Variants in CLN6 observed in about 807,000 individuals in gnomAD.
CLN6 encodes the protein CLN6 transmembrane ER protein.
Under a neutral mutation model 33.3 loss-of-function variants are expected in CLN6, and 22 were observed. The ratio of observed to expected loss-of-function variants is 0.66; its 90% CI spans 0.47 to 0.94. The LOEUF (loss-of-function observed/expected upper bound fraction) is 0.94. Among genes scored for constraint, CLN6 ranks in the 40% least tolerant of loss-of-function variants. The pLI, the probability that CLN6 is intolerant of heterozygous loss-of-function variation, is 0.00. For synonymous variants in CLN6, 201 were observed against 174.6 expected (o/e 1.15, Z -1.19); for missense variants, 387 against 417.1 (o/e 0.93, Z 0.63).
chr15:68,220,148 T>C lies in CLN6; in HGVS notation c.84-1498A>G, dbSNP rs369714787. Reference sequence around the variant, plus strand: ...AGCTCTTGGGAGAAATCTCATTTTCTAGTGGCAGGCAAGACAGGTTGGGTA... The same window carrying C: ...AGCTCTTGGGAGAAATCTCATTTTCCAGTGGCAGGCAAGACAGGTTGGGTA... On this transcript the variant is annotated intron_variant, in intron 1 of 6. Transcript: ENST00000249806. The surrounding 1 kb of genome is among the most constrained non-coding windows in gnomAD (Gnocchi z 4.2). Among the ~76,000 whole-genome samples, 33 of 152,342 alleles carry C rather than the reference T, an allele frequency of 2.2e-4. No homozygotes were observed. Among genetic ancestry groups the C allele is most frequent in the African/African-American group, 7.9e-4 (33 of 41,594 alleles).
intron 1 of CLN6, among the ~76,000 whole-genome samples, chr15:68,221,341 C>T (rs946094486): frequency 1.3e-5 from 2 of 151,866 alleles, no homozygotes; most frequent in African/African-American, 4.8e-5. Context: ...CCGTGATTCT[C>T]CTGCCTCGGC....
chr15:68,240,874 C>T (rs537178872), intron 1 of CLN6, among the ~76,000 whole-genome samples: 19 of 151,298 alleles, frequency 1.3e-4, no homozygotes, highest in African/African-American at 4.6e-4. Context: ...ATCCCAGCTA[C>T]TCAGGAGGCT....
At chr15:68,255,450 C>G (rs1447982306) in intron 1 of CLN6, among the ~76,000 whole-genome samples, 2 of 152,200 alleles carry the variant, frequency 1.3e-5, no homozygotes, top group Non-Finnish European at 2.9e-5. Flanking sequence ...CATTTCACTT[C>G]CTGAAAGTCA....
intron 3 of CLN6, chr15:68,213,160 G>GA (rs2093210848): frequency 6.6e-6 from 1 of 152,164 alleles, no homozygotes; most frequent in Non-Finnish European, 1.5e-5. Context: ...GACCTCAAGT[G>GA]ATCTGCCTGC....
At position 68,211,683 on chromosome 15, in the gene CLN6, C is replaced by T. The variant is rs779177033; in HGVS notation, c.478G>A (p.Glu160Lys). The change falls in exon 4 of 7, where the codon GAG becomes AAG. Residue 160 changes from glutamate to lysine, a missense_variant. Coordinates refer to ENST00000249806, the MANE Select transcript of CLN6 (RefSeq NM_017882.3). This position sits in a 1 kb window ranked among gnomAD's most constrained non-coding sequence, Gnocchi z 5.9. ...GCAGGAGGTGGCCTCACCAGCGTCT[C>T]CGGCTTGAGATTCTTGATGATGGGG... ...ENPIIKNLKPETLIDSFELLY... is the reference protein window; with the variant it reads ...ENPIIKNLKPKTLIDSFELLY... 3.7e-6 allele frequency: 6 copies of T among 1,613,584 alleles called. No homozygotes were observed. Among genetic ancestry groups the T allele is most frequent in the Non-Finnish European group, 5.1e-6 (6 of 1,179,990 alleles).
At position 68,246,518 on chromosome 15, in the gene CLN6, G is replaced by A. The variant is rs2169215; in HGVS notation, c.179+10172C>T. Among the ~76,000 whole-genome samples, 82,371 of 151,774 alleles carry A rather than the reference G, an allele frequency of 0.54. 22,965 individuals are homozygous for A. The highest frequency in any genetic ancestry group is 0.61 in the African/African-American group (25,054 of 41,324). On this transcript the variant is annotated intron_variant, in intron 1 of 6. Coordinates refer to the CLN6 transcript ENST00000538696. The surrounding 1 kb of genome is among the most constrained non-coding windows in gnomAD (Gnocchi z 4.5). ...AGAAAATTTAAAAAATTTTTCAAAC[G>A]AATCAAAATGGAAATAAACATAACA...
In CLN6 at chr15:68,211,352, A is replaced by C; in HGVS notation, c.487-34T>G. 6.2e-7 allele frequency: 1 copy of C among 1,611,876 alleles called. No individual in the cohort carries two copies. Among genetic ancestry groups the C allele is most frequent in the Non-Finnish European group, 8.5e-7 (1 of 1,178,434 alleles). On this transcript the variant is annotated intron_variant, in intron 4 of 6. Transcript: ENST00000249806. The surrounding 1 kb of genome is among the most constrained non-coding windows in gnomAD (Gnocchi z 5.9). ...GGAACGGGCAGGGCAGAGTCGGGGGATGTCGATGTCAGTCCAGGGAGGTGC... is the reference window on the plus strand; with the variant it reads ...GGAACGGGCAGGGCAGAGTCGGGGGCTGTCGATGTCAGTCCAGGGAGGTGC...
rs969485121 is a variant in CLN6 at position 68,247,983 on chromosome 15, G to A, written c.179+8707C>T. Among the ~76,000 whole-genome samples the A allele has an allele frequency of 4.7e-5, 7 of 149,622 alleles. No homozygotes were observed. Among genetic ancestry groups the A allele is most frequent in the Non-Finnish European group, 4.4e-5 (3 of 67,748 alleles). On this transcript the variant is annotated intron_variant, in intron 1 of 6. Transcript: ENST00000538696. This position sits in a 1 kb window ranked among gnomAD's most constrained non-coding sequence, Gnocchi z 4.2. Reference sequence around the variant, plus strand: ...GTGGAGGTTGCAGTGAGCTGAGATCGTGCCATTGCACTCCAGCCTGGGCAC... The same window carrying A: ...GTGGAGGTTGCAGTGAGCTGAGATCATGCCATTGCACTCCAGCCTGGGCAC...
chr15:68,218,782 AG>A lies in CLN6; in HGVS notation c.84-133del, dbSNP rs2141145300. On this transcript the variant is annotated intron_variant, in intron 1 of 6. Coordinates refer to ENST00000249806, the MANE Select transcript of CLN6 (RefSeq NM_017882.3). ...ACACACATAATTGAGTTCTATGGAT[AG>A]GGTTTTGCTGGATATACTGGGGTCT... 3 of 686,378 alleles carry A rather than the reference AG, an allele frequency of 4.4e-6. No homozygotes were observed. The South Asian group carries it at 4.5e-5, about 10-fold the overall frequency. The allele number at this position is 686,378 out of a possible 1,614,324, so 42.5% of individuals were successfully genotyped here. A position where few individuals can be genotyped will look rare whatever the true frequency, so the allele number is the denominator to read the frequency against.
In CLN6 at chr15:68,229,486, C is replaced by G. The variant is rs1595826941; in HGVS notation, c.83+16G>C. 1 of 1,460,940 alleles carries G rather than the reference C, an allele frequency of 6.8e-7. No individual in the cohort carries two copies. Among genetic ancestry groups the G allele is most frequent in the South Asian group, 1.3e-5 (1 of 77,414 alleles). The allele number at this position is 1,460,940 out of a possible 1,614,324, so 90.5% of individuals were successfully genotyped here. ...ACAGGCGCCTAGCCCGCCCTCTCAC[C>G]CCGGCGCGCGCCCACCTGGCCTGCA... On this transcript the variant is annotated intron_variant, in intron 1 of 6. Transcript: ENST00000249806.
In CLN6 at chr15:68,210,430, G is replaced by A. The variant is rs1222418483; in HGVS notation, c.543-671C>T. Among the ~76,000 whole-genome samples the A allele has an allele frequency of 2.0e-5, 3 of 152,188 alleles. No homozygotes were observed. Among genetic ancestry groups the A allele is most frequent in the African/African-American group, 7.2e-5 (3 of 41,454 alleles). The stretch of plus-strand genomic sequence containing the variant: ...CAAAGGCCAGGGAAAGATGGCAGGA[G>A]GCCTGTCCAGGGACCCTGGACCAGC... On this transcript the variant is annotated intron_variant, in intron 5 of 6. Transcript: ENST00000249806. This position sits in a 1 kb window ranked among gnomAD's most constrained non-coding sequence, Gnocchi z 5.6.
In CLN6 at chr15:68,211,933, C is replaced by A; in HGVS notation, c.298-70G>T. On this transcript the variant is annotated intron_variant, in intron 3 of 6. Transcript: ENST00000249806. The surrounding 1 kb of genome is among the most constrained non-coding windows in gnomAD (Gnocchi z 5.9). The stretch of plus-strand genomic sequence containing the variant: ...CAGTATGTGACACCCTCTGCTTCCC[C>A]CCTCACACCTGGGGTGGGATGGACG... 5 of 1,482,830 alleles carry A rather than the reference C, an allele frequency of 3.4e-6. No individual in the cohort carries two copies. The highest frequency in any genetic ancestry group is 2.3e-5 in the South Asian group (2 of 86,322). 91.9% of individuals were successfully genotyped at this position (1,482,830 alleles called of 1,614,324 possible). A position where few individuals can be genotyped will look rare whatever the true frequency, so the allele number is the denominator to read the frequency against.
intron 1 of CLN6, among the ~76,000 whole-genome samples, chr15:68,238,770 A>T (rs11071996): frequency 0.47 from 72,115 of 152,098 alleles, 17,960 homozygotes; most frequent in Non-Finnish European, 0.56. Flanking sequence ...TCGCAGAAGA[A>T]GGGAAACATT....
chr15:68,224,076 C>A lies in CLN6; in HGVS notation c.83+5426G>T, dbSNP rs535327661. On this transcript the variant is annotated intron_variant, in intron 1 of 6. Coordinates refer to ENST00000249806, the MANE Select transcript of CLN6 (RefSeq NM_017882.3). Reference sequence around the variant, plus strand: ...AAAACAACAACAACAACAACAACAACAAAAAACAACTCTAAAAAATTAAAA... The same window carrying A: ...AAAACAACAACAACAACAACAACAAAAAAAAACAACTCTAAAAAATTAAAA... 5.3e-4 allele frequency among the ~76,000 whole-genome samples: 79 copies of A among 148,718 alleles called. 2 individuals are homozygous for A. In the East Asian group the frequency reaches 0.012, roughly 22 times the overall value.
At chr15:68,231,442 C>T (rs556941845), upstream of CLN6, among the ~76,000 whole-genome samples, 2 of 152,306 alleles carry the variant, frequency 1.3e-5, no homozygotes, top group South Asian at 2.1e-4. Flanking sequence ...AGCACTCAGA[C>T]GGGGCCCCAG....
chr15:68,233,154 T>C (rs190607598), upstream of CLN6, among the ~76,000 whole-genome samples: 63 of 152,270 alleles, frequency 4.1e-4, no homozygotes, highest in Non-Finnish European at 7.6e-4. This position sits in a 1 kb window ranked among gnomAD's most constrained non-coding sequence, Gnocchi z 4.3. Flanking sequence ...TTCTCCTCTG[T>C]CTCACTCCCC....
rs993198109 is a variant in CLN6 at position 68,210,162 on chromosome 15, C to G, written c.543-403G>C. 6.6e-6 allele frequency among the ~76,000 whole-genome samples: 1 copy of G among 152,116 alleles called. No individual in the cohort carries two copies. The highest frequency in any genetic ancestry group is 2.4e-5 in the African/African-American group (1 of 41,412). Reference sequence around the variant, plus strand: ...ATGTTAAAAAAGAGAACAGCACCTGCAGGGGCCTCTTGGTGAAGCACTGCA... The same window carrying G: ...ATGTTAAAAAAGAGAACAGCACCTGGAGGGGCCTCTTGGTGAAGCACTGCA... On this transcript the variant is annotated intron_variant, in intron 5 of 6. Transcript: ENST00000249806. The surrounding 1 kb of genome is among the most constrained non-coding windows in gnomAD (Gnocchi z 5.6).
rs920821761 is a variant in CLN6, at chr15:68,241,078, A to T, written c.179+15612T>A. 4.6e-5 allele frequency among the ~76,000 whole-genome samples: 7 copies of T among 152,180 alleles called. No individual in the cohort carries two copies. The highest frequency in any genetic ancestry group is 1.7e-4 in the African/African-American group (7 of 41,446). ...GAAGAAAGCTGCAAATATGGAAGAGATGAAAAAGATAAACATGCCATAAAT... is the reference window on the plus strand; with the variant it reads ...GAAGAAAGCTGCAAATATGGAAGAGTTGAAAAAGATAAACATGCCATAAAT... On this transcript the variant is annotated intron_variant, in intron 1 of 6. Transcript: ENST00000538696. The surrounding 1 kb of genome is among the most constrained non-coding windows in gnomAD (Gnocchi z 4.2).
rs201330867 is a variant in CLN6 at position 68,208,164 on chromosome 15, G to A, written c.912C>T (p.Thr304=). 41 of 1,613,100 alleles carry A rather than the reference G, an allele frequency of 2.5e-5. No homozygotes were observed. The East Asian group carries it at 8.7e-4, about 34-fold the overall frequency. ...CTCAGTGCCGACTGCTGACGTGAAG[G>A]GTGTAGAAAGCCCAGGGCTCAGGGA... ...IYVPEPWAFY[T]LHVSSRH Residue 304 remains threonine (T), a synonymous_variant, in exon 7 of 7, where the codon ACC becomes ACT. Coordinates refer to ENST00000249806, the MANE Select transcript of CLN6 (RefSeq NM_017882.3). The surrounding 1 kb of genome is among the most constrained non-coding windows in gnomAD (Gnocchi z 5.8).
Sources: allele counts gnomAD v4.1 joint callset (sites outside exome capture counted in the v4.1 genomes callset), GRCh38; gene constraint gnomAD v4.1.1; non-coding constraint Gnocchi (gnomAD v3.1); transcripts MANE v1.5; gene names NCBI Gene and HGNC (gene_info 2026-07-23, HGNC 2026-07-21).